The following MALRD1 variants were observed in gnomAD, a reference collection of about 807,000 sequenced individuals.
The protein encoded by MALRD1 is MAM and LDL-receptor class A domain-containing protein 1.
A neutral mutation model predicts 242.1 loss-of-function variants in MALRD1; 247 were observed. The ratio of observed to expected loss-of-function variants is 1.02; its 90% CI spans 0.92 to 1.13. The LOEUF (loss-of-function observed/expected upper bound fraction) is 1.13, where lower values mean the gene tolerates loss of function less well. Ranked by LOEUF, MALRD1 falls within the 50% of genes most tolerant of loss-of-function variation. The pLI is 0.00. For synonymous variants in MALRD1, 995 were observed against 866.6 expected, an observed-to-expected ratio of 1.15 and a Z score of -2.60; for missense variants, 2,989 against 2,533.1, an observed-to-expected ratio of 1.18 and a Z score of -3.86.
chr10:19,065,587 AG>A (rs1472733930), intron 1 of MALRD1, among the ~76,000 whole-genome samples: 1 of 152,162 alleles, frequency 6.6e-6, no homozygotes, highest in Non-Finnish European at 1.5e-5. Context: ...CTACCTCAAA[AG>A]GACCATCTTT....
chr10:19,278,651 C>T (rs908761279), intron 19 of MALRD1, among the ~76,000 whole-genome samples: 2 of 152,152 alleles, frequency 1.3e-5, no homozygotes, highest in African/African-American at 4.8e-5. Context: ...ATCCCAAATA[C>T]CTGTAATGAA....
At chr10:19,339,108 A>G (rs1052904938) in intron 24 of MALRD1, among the ~76,000 whole-genome samples, 2 of 151,092 alleles carry the variant, frequency 1.3e-5, no homozygotes, top group Non-Finnish European at 3.0e-5. Context: ...TTCCTGTCAA[A>G]AGTCTGAAAA....
intron 24 of MALRD1, among the ~76,000 whole-genome samples, chr10:19,335,058 A>T (rs779114799): frequency 8.5e-5 from 13 of 152,142 alleles, no homozygotes; most frequent in Non-Finnish European, 1.3e-4. Flanking sequence ...GAAACATATT[A>T]AAAACATACT....
At chr10:19,674,695 G>T (rs1452630332) in intron 36 of MALRD1, among the ~76,000 whole-genome samples, 2 of 151,902 alleles carry the variant, frequency 1.3e-5, no homozygotes, top group African/African-American at 2.4e-5. Context: ...ATGAAAAGAG[G>T]AGAAAAATTT....
chr10:19,220,565 AT>A (rs1564476826), intron 18 of MALRD1, among the ~76,000 whole-genome samples: 1 of 152,064 alleles, frequency 6.6e-6, no homozygotes, highest in Non-Finnish European at 1.5e-5. Flanking sequence ...CAGAACATTG[AT>A]TTTTTAAATT....
chr10:19,338,511 A>G (rs1281469348), intron 24 of MALRD1, among the ~76,000 whole-genome samples: 4 of 146,392 alleles, frequency 2.7e-5, no homozygotes, highest in Admixed American at 6.7e-5. Context: ...AGACTTTTGT[A>G]AAACCATAAC....
chr10:19,591,021 G>T (rs149533335), intron 33 of MALRD1, among the ~76,000 whole-genome samples: 38 of 152,160 alleles, frequency 2.5e-4, no homozygotes, highest in African/African-American at 8.7e-4. Flanking sequence ...TAGTTTCACC[G>T]CCCTAAAAAT....
intron 28 of MALRD1, among the ~76,000 whole-genome samples, chr10:19,407,322 A>C (rs919191485): frequency 1.3e-5 from 2 of 151,968 alleles, no homozygotes; most frequent in Non-Finnish European, 2.9e-5. Flanking sequence ...AATAACATAA[A>C]ATAAAAATCA....
At chr10:19,458,031 A>C (rs1835749697) in intron 29 of MALRD1, among the ~76,000 whole-genome samples, 1 of 152,018 alleles carries the variant, frequency 6.6e-6, no homozygotes, top group Non-Finnish European at 1.5e-5. Flanking sequence ...TCTTTACCTG[A>C]TTATATATGA....
intron 33 of MALRD1, among the ~76,000 whole-genome samples, chr10:19,583,709 GC>G (rs1386852779): frequency 6.6e-5 from 10 of 151,890 alleles, no homozygotes; most frequent in African/African-American, 2.4e-4. Flanking sequence ...TCTCTGCCCG[GC>G]TTTGGTATCA....
intron 28 of MALRD1, among the ~76,000 whole-genome samples, chr10:19,403,339 A>G (rs940764010): frequency 8.5e-5 from 13 of 152,300 alleles, no homozygotes; most frequent in Middle Eastern, 3.4e-3. Context: ...GACCATATGT[A>G]TTAGGGTTTT....
At chr10:19,608,503 A>G (rs931717012) in intron 35 of MALRD1, among the ~76,000 whole-genome samples, 1 of 152,020 alleles carries the variant, frequency 6.6e-6, no homozygotes, top group African/African-American at 2.4e-5. Flanking sequence ...TCTCCTGAGT[A>G]GATGATTTTT....
At chr10:19,437,924 C>T (rs1303693726) in intron 28 of MALRD1, among the ~76,000 whole-genome samples, 3 of 152,070 alleles carry the variant, frequency 2.0e-5, no homozygotes, top group Admixed American at 6.6e-5. Context: ...CAAATTGCCC[C>T]ATTCCAAGTC....
At chr10:19,313,747 T>C (rs1443111489) in intron 21 of MALRD1, among the ~76,000 whole-genome samples, 2 of 151,594 alleles carry the variant, frequency 1.3e-5, no homozygotes, top group African/African-American at 4.8e-5. Context: ...TTTCTTAGAC[T>C]TTTTTATTCA....
intron 24 of MALRD1, among the ~76,000 whole-genome samples, chr10:19,334,831 T>A (rs1323352670): frequency 6.6e-6 from 1 of 152,156 alleles, no homozygotes; most frequent in Non-Finnish European, 1.5e-5. Context: ...AACAGTTAAA[T>A]AGAGCACATA....
chr10:19,155,197 C>G, intron 12 of MALRD1, 25 bp downstream of exon 12: 3 of 1,197,672 alleles, frequency 2.5e-6, no homozygotes, highest in Non-Finnish European at 3.1e-6. Flanking sequence ...TGAATTTCCA[C>G]TGGCCATTCT....
chr10:19,188,246 T>C (rs1170949459), intron 14 of MALRD1, among the ~76,000 whole-genome samples: 3 of 152,146 alleles, frequency 2.0e-5, no homozygotes, highest in Admixed American at 2.0e-4. Flanking sequence ...ATTGGGTTTA[T>C]TGATAGTTGC....
chr10:19,660,397 G>A (rs998228931), intron 36 of MALRD1, among the ~76,000 whole-genome samples: 1 of 152,164 alleles, frequency 6.6e-6, no homozygotes, highest in East Asian at 1.9e-4. Context: ...AGTGACCAAG[G>A]TAGATGGTAC....
rs1833219505 is a variant in MALRD1 at position 19,133,950 on chromosome 10, T to C, written c.1203+2T>C. ...CCAGAAGATCTGAAGACATTTAAGG[T>C]ATGAAAGAAAAAAAAAAAGTATTTT... On this transcript the variant is annotated splice_donor_variant, in intron 9 of 39. Transcript: ENST00000454679. LOFTEE classifies it high-confidence loss of function. The C allele has an allele frequency of 1.6e-6, 2 of 1,220,368 alleles. No homozygotes were observed. Among genetic ancestry groups the C allele is most frequent in the Non-Finnish European group, 1.0e-6 (1 of 978,084 alleles). 75.6% of individuals were successfully genotyped at this position (1,220,368 alleles called of 1,614,324 possible). A position where few individuals can be genotyped will look rare whatever the true frequency, so the allele number is the denominator to read the frequency against.
Sources: gnomAD v4.1 joint callset for allele counts (sites outside exome capture counted in the v4.1 genomes callset) on GRCh38, gnomAD v4.1.1 for gene constraint, MANE v1.5 for transcripts, NCBI Gene and HGNC (gene_info 2026-07-23, HGNC 2026-07-21) for gene names.